MTUS2: variants seen among roughly 807,000 people sequenced by gnomAD.
MTUS2 encodes the protein microtubule-associated tumor suppressor candidate 2.
A neutral mutation model predicts 114.1 loss-of-function variants in MTUS2; 40 were observed. That is an observed-to-expected ratio of 0.35 (90% CI 0.27 to 0.46). The LOEUF is 0.46. MTUS2 is among the 20% of genes least tolerant of loss of function. The pLI is 1.00. For synonymous variants in MTUS2, 688 were observed against 672.0 expected (o/e 1.02, Z -0.37); for missense variants, 1,679 against 1,705.4 (o/e 0.98, Z 0.27).
intron 9 of MTUS2, among the ~76,000 whole-genome samples, chr13:29,466,266 G>C (rs1240380848): frequency 6.6e-6 from 1 of 152,226 alleles, no homozygotes; most frequent in Non-Finnish European, 1.5e-5. Flanking sequence ...AGGCAGCCCA[G>C]CTGAGGTCTA....
chr13:28,968,586 T>C (rs1229377822), intron 2 of MTUS2, among the ~76,000 whole-genome samples: 1 of 152,200 alleles, frequency 6.6e-6, no homozygotes, highest in African/African-American at 2.4e-5. Flanking sequence ...GATGAGATAC[T>C]TTTCTTGTTC....
At chr13:29,028,871 T>C (rs377651634) in intron 3 of MTUS2, among the ~76,000 whole-genome samples, 43 of 152,306 alleles carry the variant, frequency 2.8e-4, no homozygotes, top group African/African-American at 8.9e-4. Flanking sequence ...ACTCCATATG[T>C]GTTGGAACTA....
chr13:29,222,711 A>C (rs1051289470), intron 5 of MTUS2, among the ~76,000 whole-genome samples: 2 of 152,206 alleles, frequency 1.3e-5, no homozygotes, highest in Non-Finnish European at 2.9e-5. Flanking sequence ...GCAGCTGCCC[A>C]ACCATGGCTG....
chr13:29,145,640 TGAAA>T (rs1292615143), intron 5 of MTUS2, among the ~76,000 whole-genome samples: 1 of 152,186 alleles, frequency 6.6e-6, no homozygotes, highest in African/African-American at 2.4e-5. Context: ...GTAGTCCAAT[TGAAA>T]AATTGGACTT....
chr13:29,025,150 A>G lies in MTUS2; in HGVS notation c.452A>G (p.Asp151Gly), dbSNP rs748567933. Residue 151 changes from aspartate (D) to glycine (G), a missense_variant, in exon 3 of 16, where the codon GAT becomes GGT. Transcript: ENST00000612955. The part of the protein sequence containing the change: ...EASLDVLAKR[D>G]AEIPRHVPKD... The stretch of plus-strand genomic sequence containing the variant: ...AGTCTAGACGTTTTGGCTAAAAGGG[A>G]TGCTGAAATTCCCCGGCATGTTCCC... 1 of 1,613,954 alleles carries G rather than the reference A, an allele frequency of 6.2e-7. No homozygotes were observed. The highest frequency in any genetic ancestry group is 2.2e-5 in the East Asian group (1 of 44,856).
intron 2 of MTUS2, among the ~76,000 whole-genome samples, chr13:28,955,221 C>T (rs1883002468): frequency 6.6e-6 from 1 of 152,214 alleles, no homozygotes; most frequent in Non-Finnish European, 1.5e-5. Flanking sequence ...CCTGACATTG[C>T]ACGATTTCTG....
intron 2 of MTUS2, among the ~76,000 whole-genome samples, chr13:29,008,435 G>C (rs534245583): frequency 6.6e-6 from 1 of 152,104 alleles, no homozygotes. Flanking sequence ...ATCTGAACTG[G>C]TTCATCTCTG....
intron 2 of MTUS2, among the ~76,000 whole-genome samples, chr13:28,909,642 C>G (rs1880277186): frequency 2.0e-5 from 3 of 152,196 alleles, no homozygotes; most frequent in Non-Finnish European, 4.4e-5. Context: ...CCTCTGTCAC[C>G]ACTTCTATTC....
At chr13:29,313,458 C>T (rs1015253025) in intron 6 of MTUS2, among the ~76,000 whole-genome samples, 4 of 152,028 alleles carry the variant, frequency 2.6e-5, no homozygotes, top group African/African-American at 9.7e-5. Context: ...CAATTTTGGA[C>T]ATATGGAGTG....
intron 2 of MTUS2, among the ~76,000 whole-genome samples, chr13:28,878,658 A>G (rs934223179): frequency 6.6e-6 from 1 of 152,216 alleles, no homozygotes; most frequent in Non-Finnish European, 1.5e-5. Context: ...AAAAGACATG[A>G]TCTCATTCCT....
At chr13:29,155,216 G>A (rs1289648356) in intron 5 of MTUS2, among the ~76,000 whole-genome samples, 1 of 152,246 alleles carries the variant, frequency 6.6e-6, no homozygotes, top group African/African-American at 2.4e-5. Context: ...CGCTAAGCAT[G>A]CTTTCTCAGC....
intron 1 of MTUS2, 35 bp from the exon 2 acceptor site, chr13:28,839,743 C>T (rs1363150766): frequency 6.6e-6 from 1 of 152,136 alleles, no homozygotes; most frequent in Non-Finnish European, 1.5e-5. Flanking sequence ...GAATCTTTCT[C>T]CTTCTAAATT....
intron 6 of MTUS2, among the ~76,000 whole-genome samples, chr13:29,311,859 G>C (rs1899780417): frequency 6.6e-6 from 1 of 152,128 alleles, no homozygotes; most frequent in Non-Finnish European, 1.5e-5. Flanking sequence ...AGTTTCAGGG[G>C]AGTTCAGACT....
At chr13:29,160,983 G>A (rs548661155) in intron 5 of MTUS2, among the ~76,000 whole-genome samples, 209 of 152,290 alleles carry the variant, frequency 1.4e-3, no homozygotes, top group Non-Finnish European at 2.5e-3. Context: ...ACGGAGAATA[G>A]TAGTTCAAAG....
intron 4 of MTUS2, among the ~76,000 whole-genome samples, chr13:29,090,180 G>T (rs945637559): frequency 6.6e-6 from 1 of 152,152 alleles, no homozygotes; most frequent in Admixed American, 6.5e-5. Context: ...TTTGTTTCTG[G>T]ATGCTTTCAG....
chr13:29,328,278 T>C (rs1440270553), intron 7 of MTUS2, among the ~76,000 whole-genome samples: 1 of 152,278 alleles, frequency 6.6e-6, no homozygotes, highest in Non-Finnish European at 1.5e-5. Flanking sequence ...TGAGTGACCA[T>C]GGCCCAGGCC....
At chr13:29,336,834 C>G (rs1901089058) in intron 7 of MTUS2, among the ~76,000 whole-genome samples, 1 of 152,228 alleles carries the variant, frequency 6.6e-6, no homozygotes, top group Admixed American at 6.5e-5. Flanking sequence ...TTTCAGAATT[C>G]CCTGCCCAGA....
At chr13:29,072,834 G>T (rs1283640941) in intron 4 of MTUS2, among the ~76,000 whole-genome samples, 3 of 152,196 alleles carry the variant, frequency 2.0e-5, no homozygotes, top group African/African-American at 7.2e-5. Context: ...AATTCTGAAA[G>T]ATATTAGTAC....
At chr13:29,471,858 G>A (rs1034681460) in intron 9 of MTUS2, among the ~76,000 whole-genome samples, 8 of 152,002 alleles carry the variant, frequency 5.3e-5, no homozygotes, top group African/African-American at 1.4e-4. Context: ...TGTGGGTAAC[G>A]GTATGAGGCA....
Sources: gnomAD v4.1 joint callset for allele counts (sites outside exome capture counted in the v4.1 genomes callset) on GRCh38, gnomAD v4.1.1 for gene constraint, MANE v1.5 for transcripts, NCBI Gene and HGNC (gene_info 2026-07-23, HGNC 2026-07-21) for gene names.